The following ARK2C variants were observed in gnomAD, a reference collection of about 807,000 sequenced individuals.
ARK2C encodes E3 ubiquitin-protein ligase ARK2C.
the ARK2C span, among the ~76,000 whole-genome samples, chr18:46,403,937 C>A: frequency 6.6e-6 from 1 of 152,108 alleles, no homozygotes; most frequent in Admixed American, 6.5e-5. Flanking sequence ...CTTCATCTAC[C>A]AACTTGGGTG....
At chr18:46,433,622 G>T in the ARK2C span, 3 of 902,068 alleles carry the variant, frequency 3.3e-6, no homozygotes, top group Non-Finnish European at 4.9e-6. Flanking sequence ...AGACGGGGGC[G>T]GGGCTACAGG....
At chr18:46,365,582 C>A in the ARK2C span, among the ~76,000 whole-genome samples, 1 of 152,204 alleles carries the variant, frequency 6.6e-6, no homozygotes, top group African/African-American at 2.4e-5. Context: ...TGGCTCACTG[C>A]AACTTCTGCC....
chr18:46,380,695 C>T, the ARK2C span, among the ~76,000 whole-genome samples: 4 of 152,212 alleles, frequency 2.6e-5, no homozygotes, highest in Non-Finnish European at 5.9e-5. Flanking sequence ...CCCCCAGTAT[C>T]TGAGACTCTG....
the ARK2C span, among the ~76,000 whole-genome samples, chr18:46,401,566 C>CT: frequency 6.6e-6 from 1 of 152,198 alleles, no homozygotes; most frequent in Admixed American, 6.5e-5. Flanking sequence ...GGTGCCAAGA[C>CT]TGCACCTGGG....
At chr18:46,408,623 G>A in the ARK2C span, among the ~76,000 whole-genome samples, 1 of 152,224 alleles carries the variant, frequency 6.6e-6, no homozygotes, top group Non-Finnish European at 1.5e-5. Context: ...GGCACTGTAG[G>A]AGGGACACTT....
the ARK2C span, among the ~76,000 whole-genome samples, chr18:46,374,344 T>C: frequency 6.6e-6 from 1 of 152,224 alleles, no homozygotes; most frequent in Admixed American, 6.5e-5. Context: ...TGTGCTATTA[T>C]CTTCACCATC....
At chr18:46,381,957 G>A in the ARK2C span, among the ~76,000 whole-genome samples, 1 of 152,278 alleles carries the variant, frequency 6.6e-6, no homozygotes, top group East Asian at 1.9e-4. Context: ...TTAAGCACCC[G>A]CAGGGCCTCC....
chr18:46,372,828 G>A, the ARK2C span, among the ~76,000 whole-genome samples: 2 of 152,330 alleles, frequency 1.3e-5, no homozygotes, highest in South Asian at 2.1e-4. Context: ...ACCACACTGC[G>A]GTGCTATTAT....
chr18:46,453,383 G>A, the ARK2C span, among the ~76,000 whole-genome samples: 6 of 152,182 alleles, frequency 3.9e-5, no homozygotes, highest in East Asian at 1.9e-4. Flanking sequence ...TACTCCTACC[G>A]AGGATGCACG....
chr18:46,374,624 C>A, the ARK2C span, among the ~76,000 whole-genome samples: 2 of 106 alleles, frequency 0.019, no homozygotes, highest in Non-Finnish European at 0.038. Context: ...TTTATGCCTT[C>A]TCTTTGTGCT....
chr18:46,359,484 T>G, the ARK2C span, among the ~76,000 whole-genome samples: 1 of 152,142 alleles, frequency 6.6e-6, no homozygotes, highest in Non-Finnish European at 1.5e-5. Context: ...AGTAGCATCT[T>G]AGAGGCCAGG....
the ARK2C span, among the ~76,000 whole-genome samples, chr18:46,418,725 A>G: frequency 5.9e-5 from 9 of 152,354 alleles, no homozygotes; most frequent in African/African-American, 1.9e-4. Flanking sequence ...ATCAAATACA[A>G]TTATGTGGAA....
At chr18:46,426,635 C>T in the ARK2C span, among the ~76,000 whole-genome samples, 1 of 152,220 alleles carries the variant, frequency 6.6e-6, no homozygotes, top group African/African-American at 2.4e-5. Context: ...TCCTTATCAA[C>T]TCCAGAATTC....
the ARK2C span, among the ~76,000 whole-genome samples, chr18:46,445,012 T>A: frequency 2.0e-5 from 3 of 152,168 alleles, no homozygotes; most frequent in African/African-American, 7.2e-5. Flanking sequence ...GCATCCTTGT[T>A]ATTTCTGTTT....
the ARK2C span, among the ~76,000 whole-genome samples, chr18:46,377,573 G>A: frequency 6.6e-6 from 1 of 152,168 alleles, no homozygotes; most frequent in South Asian, 2.1e-4. Flanking sequence ...GTTAGATGAA[G>A]GAGTGGAGGT....
the ARK2C span, among the ~76,000 whole-genome samples, chr18:46,401,153 C>T: frequency 6.6e-6 from 1 of 151,930 alleles, no homozygotes. Context: ...GCCCTGGGTC[C>T]CCAGGGGCCT....
the ARK2C span, among the ~76,000 whole-genome samples, chr18:46,449,334 A>G: frequency 6.6e-6 from 1 of 152,168 alleles, no homozygotes; most frequent in Admixed American, 6.5e-5. Flanking sequence ...TTTGCTCAGC[A>G]TGGAGGTTTT....
At chr18:46,455,643 C>A in the ARK2C span, among the ~76,000 whole-genome samples, 1 of 152,068 alleles carries the variant, frequency 6.6e-6, no homozygotes, top group African/African-American at 2.4e-5. Context: ...TCAAGACCAG[C>A]CTGACCAACA....
the ARK2C span, chr18:46,460,531 A>G: frequency 6.6e-6 from 1 of 152,562 alleles, no homozygotes; most frequent in East Asian, 1.9e-4. Flanking sequence ...TGCATTTTTA[A>G]TTATAATTTA....
Sources: gnomAD v4.1 joint callset for allele counts (sites outside exome capture counted in the v4.1 genomes callset) on GRCh38, gnomAD v4.1.1 for gene constraint, MANE v1.5 for transcripts, NCBI Gene and HGNC (gene_info 2026-07-23, HGNC 2026-07-21) for gene names.